Variants in ANAPC1 observed in about 807,000 individuals in gnomAD.
The protein encoded by ANAPC1 is anaphase-promoting complex subunit 1.
ANAPC1 carries 36 observed loss-of-function variants against 208.0 expected under a neutral mutation model. The observed-to-expected ratio is 0.17, with a 90% CI of 0.13 to 0.23. ANAPC1 has a LOEUF of 0.23. Ranked by LOEUF, ANAPC1 falls within the 10% of genes least tolerant of loss-of-function variation. The probability of loss-of-function intolerance (pLI) is 1.00; values close to 1 mark genes in which losing one functional copy is unlikely to be tolerated. For synonymous variants in ANAPC1, 378 were observed against 695.2 expected, an observed-to-expected ratio of 0.54 and a Z score of 7.18; for missense variants, 942 against 2,011.6, an observed-to-expected ratio of 0.47 and a Z score of 10.17.
chr2:111,791,076 A>T (rs1159488090), intron 38 of ANAPC1, among the ~76,000 whole-genome samples: 3 of 152,262 alleles, frequency 2.0e-5, no homozygotes, highest in Non-Finnish European at 4.4e-5. Context: ...TTTACCACAA[A>T]TAAAAATTTT....
chr2:111,843,591 A>T lies in ANAPC1; in HGVS notation c.1861T>A (p.Cys621Ser). 6.2e-7 allele frequency: 1 copy of T among 1,609,184 alleles called. No homozygotes were observed. Residue 621 changes from cysteine (C) to serine (S), a missense_variant, in exon 17 of 48, where the codon TGT becomes AGT. Physicochemically the swap from Cys to Ser is moderately radical, Grantham distance 112. Coordinates refer to ENST00000341068, the MANE Select transcript of ANAPC1 (RefSeq NM_022662.4). ...EIATSELVQT[C>S]LQAIKFILPK... is the part of the protein sequence containing the mutation. ...AGGATAAACTTAATTGCTTGCAAACACGTTTGTACTATTAAAAGCAAAGAT... is the reference window on the plus strand; with the variant it reads ...AGGATAAACTTAATTGCTTGCAAACTCGTTTGTACTATTAAAAGCAAAGAT...
chr2:111,840,183 A>G (rs943757791), intron 17 of ANAPC1, among the ~76,000 whole-genome samples: 3 of 146,892 alleles, frequency 2.0e-5, no homozygotes, highest in African/African-American at 7.4e-5. Context: ...GTAACACATC[A>G]GCAAATTAAA....
chr2:111,842,656 A>C (rs1680830963), intron 17 of ANAPC1, among the ~76,000 whole-genome samples: 1 of 151,884 alleles, frequency 6.6e-6, no homozygotes, highest in Non-Finnish European at 1.5e-5. Context: ...AAAAAAAAAA[A>C]AAAAATGGAT....
intron 17 of ANAPC1, among the ~76,000 whole-genome samples, chr2:111,839,487 T>A (rs1239499267): frequency 6.6e-6 from 1 of 152,208 alleles, no homozygotes; most frequent in Non-Finnish European, 1.5e-5. Flanking sequence ...TGGCAATGGC[T>A]ATTTTCCTAT....
intron 16 of ANAPC1, among the ~76,000 whole-genome samples, 160 bp downstream of exon 16, chr2:111,846,978 G>A (rs1681124952): frequency 6.6e-6 from 1 of 152,180 alleles, no homozygotes; most frequent in Non-Finnish European, 1.5e-5. Context: ...CGCACGTAGA[G>A]TGGACATCAC....
intron 6 of ANAPC1, among the ~76,000 whole-genome samples, chr2:111,872,036 G>A (rs1463528411): frequency 6.6e-6 from 1 of 152,196 alleles, no homozygotes; most frequent in Non-Finnish European, 1.5e-5. Context: ...ATGCTGAATA[G>A]AAATAGTGAA....
chr2:111,771,961 TA>T (rs1426971981), intron 47 of ANAPC1, among the ~76,000 whole-genome samples: 13 of 150,262 alleles, frequency 8.7e-5, no homozygotes, highest in Admixed American at 4.0e-4. Context: ...AGGTATTTAT[TA>T]GTTGTAAAGC....
intron 12 of ANAPC1, 38 bp from the exon 13 acceptor site, chr2:111,856,717 T>G: frequency 6.2e-7 from 1 of 1,613,496 alleles, no homozygotes; most frequent in Non-Finnish European, 8.5e-7. Flanking sequence ...TATTTCCCAA[T>G]CTGAGCAAAT....
At chr2:111,868,133 G>A (rs745504361) in intron 6 of ANAPC1, 37 bp from the exon 7 acceptor site, 19 of 1,458,440 alleles carry the variant, frequency 1.3e-5, no homozygotes, top group Admixed American at 1.1e-4. Flanking sequence ...TTACCAATAC[G>A]AGTATGTCTG....
intron 39 of ANAPC1, 79 bp downstream of exon 39, chr2:111,788,155 A>G (rs1332680738): frequency 6.5e-7 from 1 of 1,549,178 alleles, no homozygotes; most frequent in Non-Finnish European, 8.8e-7. Context: ...AAATAATTCC[A>G]TGAAACCAAA....
chr2:111,859,582 T>C (rs933522422), intron 10 of ANAPC1, among the ~76,000 whole-genome samples: 1 of 152,202 alleles, frequency 6.6e-6, no homozygotes. Flanking sequence ...AGAAAAATGA[T>C]TTATAATTGT....
chr2:111,872,236 GA>G (rs1343543331), intron 6 of ANAPC1, among the ~76,000 whole-genome samples: 3 of 152,128 alleles, frequency 2.0e-5, no homozygotes, highest in African/African-American at 7.2e-5. Context: ...TGCATCTATT[GA>G]GATGATCATA....
At chr2:111,815,147 A>G (rs1475772539) in intron 28 of ANAPC1, among the ~76,000 whole-genome samples, 19 of 95,290 alleles carry the variant, frequency 2.0e-4, no homozygotes, top group Non-Finnish European at 3.1e-4. Context: ...TTACTCAAGG[A>G]AAAAAAAAAA....
chr2:111,873,528 T>C (rs1682871783), intron 4 of ANAPC1, 85 bp downstream of exon 4: 2 of 1,465,138 alleles, frequency 1.4e-6, no homozygotes, highest in African/African-American at 1.4e-5. Flanking sequence ...CTATTACTAG[T>C]GGCTACTTCA....
At chr2:111,864,220 G>T (rs1682259127) in intron 8 of ANAPC1, among the ~76,000 whole-genome samples, 1 of 151,692 alleles carries the variant, frequency 6.6e-6, no homozygotes, top group Admixed American at 6.6e-5. Flanking sequence ...TAGCTATTCG[G>T]AAGGCTGAGG....
intron 10 of ANAPC1, 141 bp from the exon 11 acceptor site, chr2:111,858,542 C>T (rs1243456580): frequency 4.6e-5 from 22 of 481,868 alleles, no homozygotes; most frequent in Non-Finnish European, 8.4e-5. Flanking sequence ...GGGCAGATCA[C>T]GAGGTCAGGA....
intron 8 of ANAPC1, among the ~76,000 whole-genome samples, chr2:111,864,329 A>AT (rs1682267042): frequency 2.8e-4 from 31 of 110,720 alleles, no homozygotes; most frequent in Admixed American, 9.6e-4. Flanking sequence ...CTGTCTCTAG[A>AT]GATGATGATG....
At chr2:111,787,493 T>G (rs1677625399) in intron 39 of ANAPC1, among the ~76,000 whole-genome samples, 1 of 151,956 alleles carries the variant, frequency 6.6e-6, no homozygotes, top group South Asian at 2.1e-4. Context: ...CTCCTGACCC[T>G]TCTCCCATAA....
intron 10 of ANAPC1, among the ~76,000 whole-genome samples, chr2:111,861,439 C>T (rs1682058571): frequency 6.6e-6 from 1 of 152,130 alleles, no homozygotes; most frequent in South Asian, 2.1e-4. Flanking sequence ...ACTTGTAATT[C>T]CCTAAATACA....
Sources: gnomAD v4.1 joint callset for allele counts (sites outside exome capture counted in the v4.1 genomes callset) on GRCh38, gnomAD v4.1.1 for gene constraint, MANE v1.5 for transcripts, NCBI Gene and HGNC (gene_info 2026-07-23, HGNC 2026-07-21) for gene names.